DOP1B: variants seen among roughly 807,000 people sequenced by gnomAD.
DOP1B encodes the protein DOP1 leucine zipper like protein B.
A neutral mutation model predicts 233.5 loss-of-function variants in DOP1B; 174 were observed. That is an observed-to-expected ratio of 0.75 (90% confidence interval 0.66 to 0.85). The LOEUF (loss-of-function observed/expected upper bound fraction) is 0.85, where lower values mean the gene tolerates loss of function less well. Ranked by LOEUF, DOP1B falls within the 40% of genes least tolerant of loss-of-function variation. The pLI is 0.00. For synonymous variants in DOP1B, 1,190 were observed against 1,185.6 expected (o/e 1.00, Z -0.08); for missense variants, 2,652 against 2,846.6 (o/e 0.93, Z 1.56).
intron 26 of DOP1B, among the ~76,000 whole-genome samples, chr21:36,268,980 G>C (rs1039647070): frequency 6.6e-6 from 1 of 151,676 alleles, no homozygotes; most frequent in Non-Finnish European, 1.5e-5. Context: ...AGTGAGTCTT[G>C]ATTGCACCAC....
intron 12 of DOP1B, 103 bp from the exon 13 acceptor site, chr21:36,227,583 A>T (rs1484946013): frequency 9.9e-7 from 1 of 1,012,396 alleles, no homozygotes; most frequent in African/African-American, 1.6e-5. Context: ...AATTAGTGTG[A>T]AATTTATGCC....
chr21:36,291,766 C>G (rs2067562294), intron 35 of DOP1B, among the ~76,000 whole-genome samples: 1 of 151,972 alleles, frequency 6.6e-6, no homozygotes, highest in Non-Finnish European at 1.5e-5. Flanking sequence ...AAATATGATG[C>G]TAAGTGAAAG....
At chr21:36,167,614 G>T (rs2065924834) in intron 2 of DOP1B, among the ~76,000 whole-genome samples, 1 of 152,138 alleles carries the variant, frequency 6.6e-6, no homozygotes, top group Non-Finnish European at 1.5e-5. Flanking sequence ...CCTTTAGTAT[G>T]TTTACCATGT....
In DOP1B at chr21:36,293,372, G is replaced by A. The variant is rs745645248; in HGVS notation, c.6698G>A (p.Arg2233His). 12 of 1,613,944 alleles carry A rather than the reference G, an allele frequency of 7.4e-6. No homozygotes were observed. Among genetic ancestry groups the A allele is most frequent in the African/African-American group, 4.0e-5 (3 of 74,882 alleles). ...ATGAAGAGTGAATTCCCGCTTCTGC[G>A]CCAACATTCTGTTTCCAGCATCAGG... ...ITMKSEFPLLRQHSVSSIRQL... is the reference protein window; with the variant it reads ...ITMKSEFPLLHQHSVSSIRQL... The change falls in exon 37 of 37, where the codon CGC becomes CAC. Residue 2233 changes from arginine (R) to histidine (H), a missense_variant. Physicochemically the swap from Arg to His is conservative, Grantham distance 29. This residue lies in a region of DOP1B where 2,617 missense variants were observed against 2,794.3 expected (regional missense o/e 0.94). Coordinates refer to ENST00000691173, the MANE Select transcript of DOP1B (RefSeq NM_001320714.2).
chr21:36,249,669 G>A (rs1227729527), intron 21 of DOP1B, among the ~76,000 whole-genome samples: 1 of 152,018 alleles, frequency 6.6e-6, no homozygotes, highest in African/African-American at 2.4e-5. Context: ...TTGGTTTTCA[G>A]TGTCTGCCTC....
intron 5 of DOP1B, among the ~76,000 whole-genome samples, chr21:36,210,601 C>G (rs1193507135): frequency 6.6e-6 from 1 of 152,120 alleles, no homozygotes; most frequent in Non-Finnish European, 1.5e-5. Flanking sequence ...GCTAAGATTG[C>G]ACCACTGCAC....
Position 36,245,294 on chromosome 21 carries a change from A to T in DOP1B, c.3314A>T (p.Asp1105Val). The T allele has an allele frequency of 6.2e-7, 1 of 1,614,130 alleles. No individual in the cohort carries two copies. The highest frequency in any genetic ancestry group is 1.1e-5 in the South Asian group (1 of 91,084). ...LPDRTAHGAP[D>V]SSEHTESADT... ...GACAGGACGGCCCACGGCGCCCCGGACAGCAGCGAGCACACCGAGTCTGCA... is the reference window on the plus strand; with the variant it reads ...GACAGGACGGCCCACGGCGCCCCGGTCAGCAGCGAGCACACCGAGTCTGCA... Residue 1105 changes from aspartate to valine, a missense_variant, in exon 19 of 37, where the codon GAC (aspartate) becomes GTC (valine). Transcript: ENST00000691173. This position sits in a 1 kb window ranked among gnomAD's most constrained non-coding sequence, Gnocchi z 5.5.
At chr21:36,231,671 G>GTTTTTTTTTTT (rs1223755186) in intron 14 of DOP1B, among the ~76,000 whole-genome samples, 1 of 146,432 alleles carries the variant, frequency 6.8e-6, no homozygotes, top group Non-Finnish European at 1.5e-5. Flanking sequence ...TTTGTGTTGG[G>GTTTTTTTTTTT]TTTTTTTGTT....
chr21:36,267,649 G>T (rs981360660), intron 26 of DOP1B, among the ~76,000 whole-genome samples: 1 of 100,958 alleles, frequency 9.9e-6, no homozygotes, highest in Non-Finnish European at 1.8e-5. Context: ...TTTTTGAGAT[G>T]GAGTCTTGCT....
chr21:36,231,228 C>A, intron 14 of DOP1B, 94 bp downstream of exon 14: 2 of 1,429,708 alleles, frequency 1.4e-6, no homozygotes, highest in Non-Finnish European at 1.9e-6. Flanking sequence ...TGCTAGGGAC[C>A]AAATGTATTT....
chr21:36,225,455 T>C (rs981198478), intron 11 of DOP1B, 110 bp from the exon 12 acceptor site: 9 of 1,212,670 alleles, frequency 7.4e-6, no homozygotes, highest in Non-Finnish European at 1.1e-5. Flanking sequence ...GGTCTCAGAC[T>C]CCTGAGCTCA....
rs1336484392 is a variant in DOP1B at position 36,281,603 on chromosome 21, T to C, written c.6152T>C (p.Leu2051Pro). ...ELDQYHLYLP[L>P]IQERLTDNLR... The stretch of plus-strand genomic sequence containing the variant: ...GATCAATACCACCTTTACCTTCCAC[T>C]GATACAAGGTAAGACAGCTGTCTTA... Residue 2051 changes from leucine (L) to proline (P), a missense_variant, in exon 32 of 37, where the codon CTG becomes CCG. Around this residue, in one of 3 missense-constraint regions of DOP1B, gnomAD observed 2,617 missense variants for 2,794.3 expected, o/e 0.94. Transcript: ENST00000691173. 2 of 1,591,568 alleles carry C rather than the reference T, an allele frequency of 1.3e-6. No homozygotes were observed. The highest frequency in any genetic ancestry group is 2.3e-5 in the East Asian group (1 of 44,238).
At chr21:36,157,941 G>GT (rs1294839609) in intron 1 of DOP1B, among the ~76,000 whole-genome samples, 3 of 151,778 alleles carry the variant, frequency 2.0e-5, no homozygotes, top group Non-Finnish European at 2.9e-5. Flanking sequence ...TCTTGAACTT[G>GT]TTTTTTTCTT....
intron 2 of DOP1B, among the ~76,000 whole-genome samples, chr21:36,172,341 G>A (rs905323820): frequency 4.6e-5 from 7 of 152,208 alleles, no homozygotes; most frequent in African/African-American, 1.2e-4. Context: ...AGTTCCTGCC[G>A]TTACTGGATG....
chr21:36,182,977 C>A (rs970302143), intron 2 of DOP1B, among the ~76,000 whole-genome samples: 1 of 152,170 alleles, frequency 6.6e-6, no homozygotes, highest in African/African-American at 2.4e-5. Context: ...TGTGGCATGG[C>A]AGACATTCTG....
intron 12 of DOP1B, among the ~76,000 whole-genome samples, chr21:36,227,073 T>C (rs1601426743): frequency 6.6e-6 from 1 of 150,806 alleles, no homozygotes; most frequent in Non-Finnish European, 1.5e-5. Context: ...CCGGGTGTGG[T>C]GGCGGGCGCC....
chr21:36,278,346 C>T lies in DOP1B; in HGVS notation c.5960C>T (p.Ser1987Phe), dbSNP rs1465443902. 2.5e-6 allele frequency: 4 copies of T among 1,612,314 alleles called. No individual in the cohort carries two copies. Among genetic ancestry groups the T allele is most frequent in the South Asian group, 1.1e-5 (1 of 90,976 alleles). The change falls in exon 30 of 37, where the codon TCC becomes TTC. Residue 1987 changes from serine to phenylalanine, a missense_variant. Physicochemically the swap from Ser to Phe is radical, Grantham distance 155. This residue lies in a region of DOP1B where 2,617 missense variants were observed against 2,794.3 expected (regional missense o/e 0.94). Transcript: ENST00000691173. ...LDPAFFQMDT[S>F]CVHWKSIIDH... Reference sequence around the variant, plus strand: ...CCCGCTTTCTTTCAGATGGATACTTCCTGTGTTCAGTAAGATATGCTGTCC... The same window carrying T: ...CCCGCTTTCTTTCAGATGGATACTTTCTGTGTTCAGTAAGATATGCTGTCC...
At chr21:36,181,299 G>A (rs1046164925) in intron 2 of DOP1B, among the ~76,000 whole-genome samples, 2 of 149,298 alleles carry the variant, frequency 1.3e-5, no homozygotes, top group African/African-American at 4.9e-5. Flanking sequence ...TTTTTTTTGA[G>A]ACAGTGTCTT....
At chr21:36,173,855 A>T (rs2065995635) in intron 2 of DOP1B, among the ~76,000 whole-genome samples, 1 of 140,890 alleles carries the variant, frequency 7.1e-6, no homozygotes, top group Non-Finnish European at 1.5e-5. Flanking sequence ...AAATCTTATC[A>T]TTAAAGCTCT....
Sources: allele counts gnomAD v4.1 joint callset (sites outside exome capture counted in the v4.1 genomes callset), GRCh38; gene constraint gnomAD v4.1.1; regional missense constraint gnomAD v4.1.1; non-coding constraint Gnocchi (gnomAD v3.1); transcripts MANE v1.5; gene names NCBI Gene and HGNC (gene_info 2026-07-23, HGNC 2026-07-21).